Variants in USP26 observed in about 807,000 individuals in gnomAD.
The protein encoded by USP26 is ubiquitin carboxyl-terminal hydrolase 26.
For synonymous variants in USP26, 236 were observed against 240.6 expected (o/e 0.98, Z 0.18); for missense variants, 649 against 642.3 (o/e 1.01, Z -0.11).
intron 1 of USP26, among the ~76,000 whole-genome samples, chrX:133,091,645 T>C (rs2067608014): frequency 9.0e-6 from 1 of 111,367 alleles, no homozygotes; most frequent in Non-Finnish European, 1.9e-5. Context: ...ACAGAGTCAG[T>C]ATCATGGAGT....
intron 4 of USP26, among the ~76,000 whole-genome samples, chrX:133,085,697 G>A (rs977797572): frequency 8.9e-6 from 1 of 112,272 alleles, no homozygotes; most frequent in Non-Finnish European, 1.9e-5. Context: ...GAATTTTTAT[G>A]TCTTTCCCAA....
In USP26 at chrX:133,071,971, G is replaced by A. The variant is rs755935418; in HGVS notation, c.-77+11736C>T. Among the ~76,000 whole-genome samples, 6 of 111,516 alleles carry A rather than the reference G, an allele frequency of 5.4e-5. No homozygotes were observed. The South Asian group carries it at 1.5e-3, about 28-fold the overall frequency. Reference sequence around the variant, plus strand: ...CTTAGTAAAGACATCCAGCACAGGGGCCACAGTACATGGTAGGCAGTCAAA... The same window carrying A: ...CTTAGTAAAGACATCCAGCACAGGGACCACAGTACATGGTAGGCAGTCAAA... On this transcript the variant is annotated intron_variant, in intron 5 of 5. Transcript: ENST00000511190.
intron 5 of USP26, among the ~76,000 whole-genome samples, chrX:133,065,707 G>T (rs1027380078): frequency 8.1e-5 from 9 of 111,706 alleles, no homozygotes; most frequent in African/African-American, 2.6e-4. Context: ...AATAAAGTAG[G>T]TATTGATGCA....
intron 5 of USP26, among the ~76,000 whole-genome samples, chrX:133,060,119 G>A (rs1423534904): frequency 8.9e-6 from 1 of 111,824 alleles, no homozygotes; most frequent in Non-Finnish European, 1.9e-5. Context: ...GTGAAATGAA[G>A]ATTTAGTGTA....
intron 5 of USP26, among the ~76,000 whole-genome samples, chrX:133,061,926 G>A (rs1244162637): frequency 1.8e-5 from 2 of 111,366 alleles, no homozygotes; most frequent in East Asian, 5.7e-4. Flanking sequence ...GAACCTGAGC[G>A]AGACAGAACC....
chrX:133,026,738 T>C lies in USP26; in HGVS notation c.1483A>G (p.Lys495Glu). The change falls in exon 6 of 6, where the codon AAA becomes GAA. Residue 495 changes from lysine (K) to glutamate (E), a missense_variant. By Grantham distance (56) the Lys-to-Glu change is moderately conservative (BLOSUM62 1). Transcript: ENST00000511190. The stretch of plus-strand genomic sequence containing the variant: ...GTCTTGTGCTCACATTTTGCACATT[T>C]ATACTCAAGCTCTTCTGCTCCAAAA... ...LFFGAEELEY[K>E]CAKCEHKTSV... The C allele has an allele frequency of 8.3e-7, 1 of 1,210,810 alleles. No homozygotes were observed. Among genetic ancestry groups the C allele is most frequent in the Non-Finnish European group, 1.1e-6 (1 of 895,032 alleles).
chrX:133,051,175 G>A (rs2067457718), intron 5 of USP26, among the ~76,000 whole-genome samples: 1 of 111,567 alleles, frequency 9.0e-6, no homozygotes, highest in South Asian at 3.8e-4. Flanking sequence ...ACCAACAGCA[G>A]AAGTCTACTG....
rs774399965 is a variant in USP26, at chrX:133,025,593, G to A, written c.2628C>T (p.Cys876=). 1 of 1,209,121 alleles carries A rather than the reference G, an allele frequency of 8.3e-7. No individual in the cohort carries two copies. The highest frequency in any genetic ancestry group is 3.0e-5 in the East Asian group (1 of 33,716). Residue 876 remains cysteine (C), a synonymous_variant, in exon 6 of 6, where the codon TGC becomes TGT. Coordinates refer to ENST00000511190, the MANE Select transcript of USP26 (RefSeq NM_031907.3). ...QEAQMQEDRR[C]TGYIFFYMHN... is the part of the protein sequence containing the mutation. ...GCATGTAAAAGAAGATGTACCCAGTGCAACGCCTATCCTCCTGCATCTGGG... is the reference window on the plus strand; with the variant it reads ...GCATGTAAAAGAAGATGTACCCAGTACAACGCCTATCCTCCTGCATCTGGG...
At position 133,025,857 on chromosome X, in the gene USP26, T is replaced by C. The variant is rs763092185; in HGVS notation, c.2364A>G (p.Leu788=). 5.0e-6 allele frequency: 6 copies of C among 1,210,651 alleles called. No individual in the cohort carries two copies. In the African/African-American group the frequency reaches 6.9e-5, roughly 14 times the overall value. ...LNLQKSNRNS[L]LALGSNKNPR... Reference sequence around the variant, plus strand: ...GATTCTTATTGGAACCCAGTGCAAGTAGGGAATTCCTGTTAGACTTCTGTA... The same window carrying C: ...GATTCTTATTGGAACCCAGTGCAAGCAGGGAATTCCTGTTAGACTTCTGTA... Residue 788 remains leucine, a synonymous_variant, in exon 6 of 6, where the codon CTA becomes CTG. Transcript: ENST00000511190.
chrX:133,060,151 T>C (rs1289962576), intron 5 of USP26, among the ~76,000 whole-genome samples: 1 of 111,484 alleles, frequency 9.0e-6, no homozygotes, highest in Non-Finnish European at 1.9e-5. Flanking sequence ...TTTATTTTTA[T>C]GTAAGCACTT....
rs761569818 is a variant in USP26, at chrX:133,086,470, C to T, written c.-141-2699G>A. Among the ~76,000 whole-genome samples the T allele has an allele frequency of 4.5e-5, 5 of 110,512 alleles. No individual in the cohort carries two copies. The South Asian group carries it at 1.2e-3, about 26-fold the overall frequency. ...AATTTTTTAAAAAGAATTAGCCAGGCATGGTGGCACACACCTGTAGTCCCA... is the reference window on the plus strand; with the variant it reads ...AATTTTTTAAAAAGAATTAGCCAGGTATGGTGGCACACACCTGTAGTCCCA... On this transcript the variant is annotated intron_variant, in intron 4 of 5. Transcript: ENST00000511190.
At chrX:133,041,492 A>G (rs2067418947) in intron 5 of USP26, among the ~76,000 whole-genome samples, 1 of 111,944 alleles carries the variant, frequency 8.9e-6, no homozygotes, top group African/African-American at 3.3e-5. Flanking sequence ...GGTTCACTCC[A>G]GGCCCTGTTC....
At chrX:133,095,093 CAAAAAAAA>C (rs35394795) in intron 1 of USP26, among the ~76,000 whole-genome samples, 3 of 51,250 alleles carry the variant, frequency 5.9e-5, no homozygotes, top group African/African-American at 1.4e-4. Flanking sequence ...AGACTCTTGT[CAAAAAAAA>C]AAAAAAAAAA....
rs752791758 is a variant in USP26, at chrX:133,028,203, T to C, written c.18A>G (p.Leu6=). The C allele has an allele frequency of 2.5e-6, 3 of 1,209,466 alleles. No individual in the cohort carries two copies. The highest frequency in any genetic ancestry group is 3.5e-5 in the South Asian group (2 of 56,928). Residue 6 remains leucine, a synonymous_variant, in exon 6 of 6, where the codon CTA becomes CTG. Transcript: ENST00000511190. Reference sequence around the variant, plus strand: ...AGTTCCCTATTTGGACAAAACCACGTAGGAATAGGGCAGCCATGTTTTCTT... The same window carrying C: ...AGTTCCCTATTTGGACAAAACCACGCAGGAATAGGGCAGCCATGTTTTCTT... MAALF[L]RGFVQIGNCK...
chrX:133,086,805 T>A (rs775488117), intron 4 of USP26, among the ~76,000 whole-genome samples: 196 of 106,473 alleles, frequency 1.8e-3, no homozygotes, highest in African/African-American at 5.9e-3. Context: ...TCCTAGCTAC[T>A]CGGGAGGCTG....
chrX:133,045,728 T>C (rs1231005564), intron 5 of USP26: 4 of 110,948 alleles, frequency 3.6e-5, no homozygotes, highest in Non-Finnish European at 7.5e-5. Context: ...TCCAAACACA[T>C]CCGAACATCA....
At chrX:133,039,067 T>C (rs1041463924) in intron 5 of USP26, among the ~76,000 whole-genome samples, 2 of 111,955 alleles carry the variant, frequency 1.8e-5, no homozygotes, top group Admixed American at 9.5e-5. Flanking sequence ...TCTTTATTAG[T>C]CTGACTATTG....
chrX:133,093,025 G>A (rs1306189728), intron 1 of USP26, among the ~76,000 whole-genome samples: 1 of 111,980 alleles, frequency 8.9e-6, no homozygotes, highest in Non-Finnish European at 1.9e-5. Flanking sequence ...GGGAGGTTGA[G>A]GCAGGTGAAT....
intron 5 of USP26, among the ~76,000 whole-genome samples, chrX:133,061,760 C>A (rs1351106220): frequency 2.7e-5 from 3 of 111,655 alleles, no homozygotes; most frequent in African/African-American, 9.8e-5. Context: ...CCAGCCTAGA[C>A]ACTACACTTT....
Sources: allele counts gnomAD v4.1 joint callset (sites outside exome capture counted in the v4.1 genomes callset), GRCh38; gene constraint gnomAD v4.1.1; transcripts MANE v1.5; gene names NCBI Gene and HGNC (gene_info 2026-07-23, HGNC 2026-07-21).